Variants in ACSM1 observed in about 807,000 individuals in gnomAD.
ACSM1 encodes the protein acyl-CoA synthetase medium chain family member 1.
ACSM1 carries 79 observed loss-of-function variants against 75.8 expected under a neutral mutation model. The observed-to-expected ratio is 1.04, with a 90% CI of 0.87 to 1.26. The LOEUF (loss-of-function observed/expected upper bound fraction) is 1.26. Ranked by LOEUF, ACSM1 falls within the 50% of genes most tolerant of loss-of-function variation. The pLI is 0.00. For synonymous variants in ACSM1, 279 were observed against 265.8 expected (o/e 1.05, Z -0.48); for missense variants, 676 against 720.1 (o/e 0.94, Z 0.70).
chr16:20,685,742 C>A (rs566577570), intron 2 of ACSM1, among the ~76,000 whole-genome samples: 1 of 149,470 alleles, frequency 6.7e-6, no homozygotes, highest in East Asian at 1.9e-4. Context: ...ATTGCTTGAA[C>A]CCAGGAGGCA....
intron 7 of ACSM1, among the ~76,000 whole-genome samples, chr16:20,661,020 T>C (rs1306563588): frequency 1.3e-5 from 2 of 152,180 alleles, no homozygotes; most frequent in East Asian, 3.8e-4. Context: ...AGTATGGTAT[T>C]GTGTTGTATC....
At chr16:20,688,658 A>G (rs2079597480) in intron 2 of ACSM1, among the ~76,000 whole-genome samples, 1 of 152,112 alleles carries the variant, frequency 6.6e-6, no homozygotes, top group African/African-American at 2.4e-5. Flanking sequence ...CCAACCAAGA[A>G]TTTTACATCC....
At chr16:20,665,745 T>G (rs1299656339) in intron 6 of ACSM1, among the ~76,000 whole-genome samples, 1 of 152,126 alleles carries the variant, frequency 6.6e-6, no homozygotes, top group Non-Finnish European at 1.5e-5. Context: ...AACAAAATAC[T>G]AGTAAACTGA....
At chr16:20,667,747 C>G (rs2152267511) in intron 6 of ACSM1, among the ~76,000 whole-genome samples, 1 of 152,270 alleles carries the variant, frequency 6.6e-6, no homozygotes, top group African/African-American at 2.4e-5. Context: ...ATCAAATTGA[C>G]CTAGGTGCCC....
rs1462498850 is a variant in ACSM1, at chr16:20,648,272, T to C, written c.993-7688A>G. Among the ~76,000 whole-genome samples, 1 of 152,240 alleles carries C rather than the reference T, an allele frequency of 6.6e-6. No individual in the cohort carries two copies. Among genetic ancestry groups the C allele is most frequent in the Non-Finnish European group, 1.5e-5 (1 of 68,046 alleles). On this transcript the variant is annotated intron_variant, in intron 7 of 13. Transcript: ENST00000520010. The surrounding 1 kb of genome is among the most constrained non-coding windows in gnomAD (Gnocchi z 4.2). ...TCTTCATGTACCTAACAAGGCCAGCTTTGCTAGCTAATATTCTTCTTTTCT... is the reference window on the plus strand; with the variant it reads ...TCTTCATGTACCTAACAAGGCCAGCCTTGCTAGCTAATATTCTTCTTTTCT...
intron 4 of ACSM1, among the ~76,000 whole-genome samples, chr16:20,671,979 G>C (rs1646394742): frequency 6.6e-6 from 1 of 152,072 alleles, no homozygotes; most frequent in Non-Finnish European, 1.5e-5. Context: ...CATTTGAATA[G>C]CACTTGCTAT....
intron 1 of ACSM1, 90 bp from the exon 2 acceptor site, chr16:20,691,329 A>G (rs2079649892): frequency 9.1e-6 from 6 of 660,458 alleles, no homozygotes; most frequent in Admixed American, 3.7e-5. Flanking sequence ...CTACAGTTAT[A>G]GCTTTGTTTC....
At chr16:20,655,545 AAAAT>A (rs1238142671) in intron 7 of ACSM1, among the ~76,000 whole-genome samples, 2 of 152,198 alleles carry the variant, frequency 1.3e-5, no homozygotes, top group African/African-American at 4.8e-5. Flanking sequence ...TCTATAACTA[AAAAT>A]AAATCATGAT....
intron 7 of ACSM1, among the ~76,000 whole-genome samples, chr16:20,644,334 G>A (rs560062150): frequency 3.9e-5 from 6 of 152,212 alleles, no homozygotes; most frequent in East Asian, 1.9e-4. Context: ...AAGCAAAAGC[G>A]TAGCTTACTA....
intron 1 of ACSM1, among the ~76,000 whole-genome samples, chr16:20,694,309 C>T (rs2079678433): frequency 6.6e-6 from 1 of 152,206 alleles, no homozygotes; most frequent in Non-Finnish European, 1.5e-5. Flanking sequence ...TATGTACTCT[C>T]CTGGCAAAAC....
At chr16:20,628,245 T>TACAAG (rs2017113915) in intron 10 of ACSM1, among the ~76,000 whole-genome samples, 4 of 152,128 alleles carry the variant, frequency 2.6e-5, no homozygotes, top group African/African-American at 9.7e-5. Context: ...GATCAGTATC[T>TACAAG]TAGGCAGAAT....
At chr16:20,686,494 G>A (rs1306874297) in intron 2 of ACSM1, among the ~76,000 whole-genome samples, 1 of 152,152 alleles carries the variant, frequency 6.6e-6, no homozygotes, top group Non-Finnish European at 1.5e-5. Context: ...ATGGGAGGGA[G>A]AGCATTAGGA....
chr16:20,663,781 C>T (rs2019417491), intron 6 of ACSM1, among the ~76,000 whole-genome samples: 1 of 152,184 alleles, frequency 6.6e-6, no homozygotes, highest in African/African-American at 2.4e-5. Flanking sequence ...TCATATTGCT[C>T]TTCTCCTACA....
At chr16:20,671,489 C>T (rs764322640) in intron 5 of ACSM1, 42 bp downstream of exon 5, 10 of 1,558,456 alleles carry the variant, frequency 6.4e-6, no homozygotes, top group Non-Finnish European at 8.7e-6. Context: ...AAACTTTGCC[C>T]ACATCTGGGT....
At chr16:20,650,327 G>A (rs1454056387) in intron 7 of ACSM1, among the ~76,000 whole-genome samples, 2 of 152,140 alleles carry the variant, frequency 1.3e-5, no homozygotes, top group East Asian at 1.9e-4. Flanking sequence ...GCTCCAAAGA[G>A]AAAGGTCATT....
At chr16:20,694,697 T>C (rs995867505) in intron 1 of ACSM1, among the ~76,000 whole-genome samples, 5 of 152,224 alleles carry the variant, frequency 3.3e-5, no homozygotes, top group African/African-American at 1.2e-4. Context: ...TAACCAGTTA[T>C]CATGGTTTGA....
At chr16:20,634,577 T>C (rs2017541850) in intron 10 of ACSM1, among the ~76,000 whole-genome samples, 1 of 152,172 alleles carries the variant, frequency 6.6e-6, no homozygotes, top group South Asian at 2.1e-4. Context: ...TTATGCTAAG[T>C]GAAATAAGCC....
chr16:20,656,142 T>A (rs1040203638), intron 7 of ACSM1, among the ~76,000 whole-genome samples: 2 of 152,140 alleles, frequency 1.3e-5, no homozygotes, highest in East Asian at 3.9e-4. Flanking sequence ...AGAAAAATTG[T>A]TTTTGAAAAC....
chr16:20,691,461 C>T (rs528054799), intron 1 of ACSM1, among the ~76,000 whole-genome samples: 2 of 152,152 alleles, frequency 1.3e-5, no homozygotes, highest in South Asian at 2.1e-4. Context: ...GGGTTTGGTG[C>T]GCGTTCCTAG....
Sources: gnomAD v4.1 joint callset for allele counts (sites outside exome capture counted in the v4.1 genomes callset) on GRCh38, gnomAD v4.1.1 for gene constraint, Gnocchi (gnomAD v3.1) non-coding constraint, MANE v1.5 for transcripts, NCBI Gene and HGNC (gene_info 2026-07-23, HGNC 2026-07-21) for gene names.